The following SNX8 variants were observed in gnomAD, a reference collection of about 807,000 sequenced individuals.
SNX8 encodes the protein sorting nexin-8.
In SNX8, 25 loss-of-function variants were observed where a neutral mutation model predicts 51.6. The observed-to-expected ratio is 0.48, with a 90% CI of 0.35 to 0.68. SNX8 has a LOEUF of 0.68. Ranked by LOEUF, SNX8 falls within the 30% of genes least tolerant of loss-of-function variation. SNX8 has a pLI of 0.00. For synonymous variants in SNX8, 324 were observed against 277.0 expected (o/e 1.17, Z -1.68); for missense variants, 695 against 624.0 (o/e 1.11, Z -1.21).
At chr7:2,314,474 C>G (rs1276977489), upstream of SNX8, 8 of 1,186,138 alleles carry the variant, frequency 6.7e-6, no homozygotes, top group South Asian at 1.3e-4. Flanking sequence ...CCGCGCAGCC[C>G]TGCCGCGCCG....
At chr7:2,321,817 A>G (rs12699833) in intron 1 of SNX8, among the ~76,000 whole-genome samples, 123,854 of 148,874 alleles carry the variant, frequency 0.83, 51,455 homozygotes, top group Admixed American at 0.85. Context: ...TCTGCCTCCC[A>G]GGTTCAATCA....
intron 10 of SNX8, 69 bp from the exon 11 acceptor site, chr7:2,255,238 G>T: frequency 1.9e-6 from 2 of 1,028,092 alleles, no homozygotes; most frequent in Non-Finnish European, 2.8e-6. Context: ...TCTGATCCCA[G>T]TTCCTTCGCC....
intron 1 of SNX8, among the ~76,000 whole-genome samples, chr7:2,294,395 T>C (rs919577435): frequency 6.6e-6 from 1 of 152,146 alleles, no homozygotes; most frequent in Non-Finnish European, 1.5e-5. Context: ...GACTTGGAGA[T>C]TGGAGCCCTC....
At chr7:2,285,343 C>T (rs1419849880) in intron 1 of SNX8, among the ~76,000 whole-genome samples, 2 of 151,664 alleles carry the variant, frequency 1.3e-5, no homozygotes, top group Non-Finnish European at 2.9e-5. Flanking sequence ...GAGCCAAGTT[C>T]GCGCCACTGC....
intron 1 of SNX8, among the ~76,000 whole-genome samples, chr7:2,339,690 A>G (rs1376314880): frequency 6.6e-6 from 1 of 152,144 alleles, no homozygotes; most frequent in Admixed American, 6.6e-5. Context: ...TATAGAATCA[A>G]GATTAGCCAA....
chr7:2,274,949 G>A (rs1261405937), intron 3 of SNX8, 163 bp downstream of exon 3: 1 of 592,826 alleles, frequency 1.7e-6, no homozygotes, highest in Non-Finnish European at 3.0e-6. Flanking sequence ...CCAAGGCTGG[G>A]CTCAAGCCAC....
chr7:2,282,226 C>T (rs763364422), intron 1 of SNX8, among the ~76,000 whole-genome samples: 1 of 152,318 alleles, frequency 6.6e-6, no homozygotes, highest in Admixed American at 6.5e-5. Context: ...AGAATGCATT[C>T]CCCTCTCAGC....
chr7:2,261,881 C>A (rs1795345338), intron 7 of SNX8, among the ~76,000 whole-genome samples: 1 of 152,252 alleles, frequency 6.6e-6, no homozygotes, highest in African/African-American at 2.4e-5. Context: ...GGTGGGTTCA[C>A]CATTCACCAA....
Position 2,257,826 on chromosome 7 carries a change from C to T in SNX8, c.916-23G>A, listed in dbSNP as rs771855476. 1.9e-6 allele frequency: 3 copies of T among 1,611,666 alleles called. No individual in the cohort carries two copies. The Admixed American group carries it at 5.0e-5, about 27-fold the overall frequency. On this transcript the variant is annotated intron_variant, in intron 7 of 10. Coordinates refer to ENST00000222990, the MANE Select transcript of SNX8 (RefSeq NM_013321.4). The stretch of plus-strand genomic sequence containing the variant: ...ACCCTGGAAGGCGAGGGGGAGCTCA[C>T]CCACGCGGACGCACATAGGACCCGG...
At chr7:2,269,339 A>G (rs1434829753) in intron 5 of SNX8, among the ~76,000 whole-genome samples, 2 of 150,106 alleles carry the variant, frequency 1.3e-5, no homozygotes, top group African/African-American at 4.9e-5. Context: ...AGTCATCACC[A>G]CTCCCTAATC....
At chr7:2,268,051 TCC>T (rs1795522073) in intron 5 of SNX8, among the ~76,000 whole-genome samples, 1 of 141,354 alleles carries the variant, frequency 7.1e-6, no homozygotes, top group Admixed American at 6.9e-5. Context: ...AGCCACCCCG[TCC>T]GGGAGGGAGA....
chr7:2,344,099 G>A (rs1300361350), intron 1 of SNX8, among the ~76,000 whole-genome samples: 1 of 151,944 alleles, frequency 6.6e-6, no homozygotes, highest in Non-Finnish European at 1.5e-5. Context: ...AGCTATTTGG[G>A]TGGCTGAGGC....
At chr7:2,301,626 G>A (rs1435785748) in intron 1 of SNX8, among the ~76,000 whole-genome samples, 2 of 152,178 alleles carry the variant, frequency 1.3e-5, no homozygotes, top group Non-Finnish European at 2.9e-5. Flanking sequence ...AATGGGGGTA[G>A]TAAATTCCGG....
At chr7:2,267,463 CAGGCA>C (rs1251081205) in intron 5 of SNX8, among the ~76,000 whole-genome samples, 1 of 133,808 alleles carries the variant, frequency 7.5e-6, no homozygotes, top group African/African-American at 2.6e-5. Flanking sequence ...CCTGCGATTG[CAGGCA>C]CGCGCCGCCA....
intron 1 of SNX8, among the ~76,000 whole-genome samples, chr7:2,345,883 C>T (rs556721278): frequency 2.6e-5 from 4 of 152,190 alleles, no homozygotes; most frequent in African/African-American, 9.6e-5. Context: ...TCTCAGCTCA[C>T]TGCAACTTCC....
At chr7:2,293,642 A>G (rs964735699) in intron 1 of SNX8, among the ~76,000 whole-genome samples, 2 of 150,798 alleles carry the variant, frequency 1.3e-5, no homozygotes, top group Non-Finnish European at 2.9e-5. Context: ...AGCCTGGGTG[A>G]CAAAGCAAGA....
At chr7:2,321,035 A>G (rs34878098) in intron 1 of SNX8, among the ~76,000 whole-genome samples, 2 of 152,114 alleles carry the variant, frequency 1.3e-5, no homozygotes, top group Non-Finnish European at 2.9e-5. Context: ...ATAAATAAGT[A>G]AAATAAAAAT....
intron 1 of SNX8, among the ~76,000 whole-genome samples, chr7:2,312,277 C>G (rs1279859014): frequency 6.6e-6 from 1 of 152,194 alleles, no homozygotes; most frequent in African/African-American, 2.4e-5. Flanking sequence ...ATGGTAGCCT[C>G]TGGAGTCTAC....
chr7:2,316,476 C>T (rs1407056766), upstream of SNX8, among the ~76,000 whole-genome samples: 2 of 151,446 alleles, frequency 1.3e-5, no homozygotes, highest in Admixed American at 1.3e-4. Flanking sequence ...CACCCACTCA[C>T]TCACTCACTG....
Sources: gnomAD v4.1 joint callset for allele counts (sites outside exome capture counted in the v4.1 genomes callset) on GRCh38, gnomAD v4.1.1 for gene constraint, MANE v1.5 for transcripts, NCBI Gene and HGNC (gene_info 2026-07-23, HGNC 2026-07-21) for gene names.